KIF13B: variants seen among roughly 807,000 people sequenced by gnomAD.
The protein encoded by KIF13B is kinesin-like protein KIF13B.
Under a neutral mutation model 222.0 loss-of-function variants are expected in KIF13B, and 127 were observed. The observed-to-expected ratio is 0.57, with a 90% CI of 0.50 to 0.66. KIF13B has a LOEUF of 0.66. Among genes scored for constraint, KIF13B ranks in the 30% least tolerant of loss-of-function variants. The probability of loss-of-function intolerance (pLI) is 0.00; values close to 1 mark genes in which losing one functional copy is unlikely to be tolerated. For missense variants in KIF13B, 2,173 were observed against 2,379.0 expected, an observed-to-expected ratio of 0.91 and a Z score of 1.80; for synonymous variants, 976 against 919.0, an observed-to-expected ratio of 1.06 and a Z score of -1.12.
intron 1 of KIF13B, among the ~76,000 whole-genome samples, chr8:29,262,029 G>C (rs532981953): frequency 6.6e-6 from 1 of 152,260 alleles, no homozygotes; most frequent in South Asian, 2.1e-4. Flanking sequence ...CTCATCAATG[G>C]CAAAGTCATC....
rs74956402 is a variant in KIF13B, at chr8:29,081,801, T to C, written c.4459-6458A>G. On this transcript the variant is annotated intron_variant, in intron 37 of 39. Coordinates refer to ENST00000524189, the MANE Select transcript of KIF13B (RefSeq NM_015254.4). ...GTCTAACTCAGTCGTGTTGTTGAGA[T>C]GGCACATTAAAATTCCTGGTGTGGT... is the stretch of plus-strand genomic sequence containing the variant. 3.2e-3 allele frequency among the ~76,000 whole-genome samples: 492 copies of C among 152,378 alleles called. 3 individuals carry two copies. The highest frequency in any genetic ancestry group is 0.011 in the African/African-American group (468 of 41,584).
chr8:29,219,746 A>AAAATAAATAAATAAATAAAT (rs372012234), intron 2 of KIF13B, among the ~76,000 whole-genome samples: 1 of 146,566 alleles, frequency 6.8e-6, no homozygotes, highest in African/African-American at 2.5e-5. Context: ...CCCTGTTTCC[A>AAAATAAATAAATAAATAAAT]AAATAAATAA....
intron 2 of KIF13B, among the ~76,000 whole-genome samples, chr8:29,232,641 T>C (rs1361436645): frequency 4.6e-5 from 7 of 152,172 alleles, no homozygotes; most frequent in Non-Finnish European, 8.8e-5. Flanking sequence ...TTTAAATTTA[T>C]TACATTACTG....
chr8:29,167,896 C>T (rs1354478077), intron 10 of KIF13B, among the ~76,000 whole-genome samples: 1 of 152,170 alleles, frequency 6.6e-6, no homozygotes, highest in Non-Finnish European at 1.5e-5. Flanking sequence ...GATGATACCA[C>T]AAGAACACAG....
At chr8:29,137,317 C>T (rs1301823633) in intron 21 of KIF13B, among the ~76,000 whole-genome samples, 1 of 152,144 alleles carries the variant, frequency 6.6e-6, no homozygotes, top group African/African-American at 2.4e-5. Flanking sequence ...TGAACACAGG[C>T]TGTTTGGGTT....
Position 29,092,835 on chromosome 8 carries a change from G to C in KIF13B, c.4368C>G (p.Ser1456=). 6.2e-7 allele frequency: 1 copy of C among 1,612,372 alleles called. No homozygotes were observed. Among genetic ancestry groups the C allele is most frequent in the Non-Finnish European group, 8.5e-7 (1 of 1,179,260 alleles). The change falls in exon 37 of 40, where the codon TCC becomes TCG. Residue 1456 remains serine (S), a synonymous_variant. Coordinates refer to ENST00000524189, the MANE Select transcript of KIF13B (RefSeq NM_015254.4). The part of the protein sequence containing the change: ...LAASYLNPVK[S]FVPQMPKLLK... ...GGAGCTTTGGCATTTGCGGCACGAA[G>C]GATTTGACAGGATTCAAGTAGGATG...
chr8:29,125,628 A>T (rs964311633), intron 26 of KIF13B, among the ~76,000 whole-genome samples: 4 of 152,172 alleles, frequency 2.6e-5, no homozygotes, highest in Non-Finnish European at 5.9e-5. Flanking sequence ...CAGGAAAGTG[A>T]CTACACGGAT....
chr8:29,103,254 A>G (rs1808883878), intron 35 of KIF13B, among the ~76,000 whole-genome samples: 1 of 151,890 alleles, frequency 6.6e-6, no homozygotes, highest in Non-Finnish European at 1.5e-5. Context: ...AAAAAAAAAA[A>G]AAAAACAAGT....
intron 2 of KIF13B, among the ~76,000 whole-genome samples, chr8:29,230,016 A>C (rs563655564): frequency 1.1e-4 from 16 of 152,374 alleles, no homozygotes; most frequent in African/African-American, 3.8e-4. Context: ...AAGAATAAAT[A>C]AATCAAGGCA....
intron 35 of KIF13B, among the ~76,000 whole-genome samples, chr8:29,105,260 C>T (rs111426927): frequency 0.01 from 1,546 of 152,244 alleles, 27 homozygotes; most frequent in African/African-American, 0.035. Context: ...CATGAGCCAC[C>T]GCGCCCGGCC....
chr8:29,191,806 A>C (rs1813202437), intron 3 of KIF13B, among the ~76,000 whole-genome samples: 1 of 152,220 alleles, frequency 6.6e-6, no homozygotes, highest in Admixed American at 6.5e-5. Context: ...CAAATTTTTC[A>C]CTGACTGCAT....
chr8:29,242,982 T>C (rs1388659377), intron 2 of KIF13B, among the ~76,000 whole-genome samples: 2 of 152,172 alleles, frequency 1.3e-5, no homozygotes, highest in African/African-American at 4.8e-5. Context: ...AGCTGAAATT[T>C]CTCTAGAACT....
chr8:29,220,892 C>A (rs1563801079), intron 2 of KIF13B, among the ~76,000 whole-genome samples: 1 of 152,144 alleles, frequency 6.6e-6, no homozygotes, highest in African/African-American at 2.4e-5. Flanking sequence ...AAGTGGATCG[C>A]TTGAACCCAG....
intron 10 of KIF13B, among the ~76,000 whole-genome samples, chr8:29,173,338 C>T (rs1029433173): frequency 9.2e-5 from 14 of 152,000 alleles, no homozygotes; most frequent in Non-Finnish European, 1.5e-4. Flanking sequence ...ATTTCTTCTA[C>T]AGGCCAGGCA....
At chr8:29,123,000 G>A (rs1292293297) in intron 28 of KIF13B, among the ~76,000 whole-genome samples, 1 of 152,156 alleles carries the variant, frequency 6.6e-6, no homozygotes, top group Non-Finnish European at 1.5e-5. Flanking sequence ...TACAGTTTAA[G>A]CCAGCACCAA....
At chr8:29,092,986 A>G (rs1029669588) in intron 36 of KIF13B, 108 bp from the exon 37 acceptor site, 1 of 1,007,266 alleles carries the variant, frequency 9.9e-7, no homozygotes, top group South Asian at 1.9e-5. Flanking sequence ...CAAAAACCAA[A>G]GGTATCCTTA....
At chr8:29,206,968 G>A (rs17059782) in intron 2 of KIF13B, among the ~76,000 whole-genome samples, 20,098 of 152,050 alleles carry the variant, frequency 0.13, 1,474 homozygotes, top group South Asian at 0.15. Context: ...GGGGCACAAC[G>A]CCACCCTGCT....
intron 29 of KIF13B, among the ~76,000 whole-genome samples, chr8:29,119,435 C>T (rs1437904436): frequency 1.3e-5 from 2 of 152,202 alleles, no homozygotes; most frequent in African/African-American, 4.8e-5. Flanking sequence ...ACCATGGCCC[C>T]CTGGTTCCTC....
intron 23 of KIF13B, among the ~76,000 whole-genome samples, chr8:29,130,912 C>T (rs1396185852): frequency 6.6e-6 from 1 of 152,126 alleles, no homozygotes; most frequent in Non-Finnish European, 1.5e-5. Context: ...AATGACAAAT[C>T]TATTTCAAAG....
Sources: allele counts gnomAD v4.1 joint callset (sites outside exome capture counted in the v4.1 genomes callset), GRCh38; gene constraint gnomAD v4.1.1; transcripts MANE v1.5; gene names NCBI Gene and HGNC (gene_info 2026-07-23, HGNC 2026-07-21).